The following C4orf51 variants were observed in gnomAD, a reference collection of about 807,000 sequenced individuals.
C4orf51 encodes uncharacterized protein C4orf51.
Under a neutral mutation model 25.2 loss-of-function variants are expected in C4orf51, and 25 were observed. The observed-to-expected ratio is 0.99, with a 90% CI of 0.72 to 1.39. C4orf51 has a LOEUF of 1.39. C4orf51 is among the 40% of genes most tolerant of loss of function. The pLI, the probability that C4orf51 is intolerant of heterozygous loss-of-function variation, is 0.00. For synonymous variants in C4orf51, 100 were observed against 84.5 expected, an observed-to-expected ratio of 1.18 and a Z score of -1.01; for missense variants, 252 against 239.6, an observed-to-expected ratio of 1.05 and a Z score of -0.34.
At position 145,732,637 on chromosome 4, in the gene C4orf51, C is replaced by G. The variant is rs901246758; in HGVS notation, c.*77C>G. 4.1e-5 allele frequency: 38 copies of G among 936,654 alleles called. No individual in the cohort carries two copies. Among genetic ancestry groups the G allele is most frequent in the Non-Finnish European group, 6.2e-5 (38 of 611,902 alleles). 58.0% of individuals were successfully genotyped at this position (936,654 alleles called of 1,614,324 possible). A position where few individuals can be genotyped will look rare whatever the true frequency, so the allele number is the denominator to read the frequency against. ...ACTTTGAGGTATGGGGCCCTCCCAACACCCTCCCCCCACCCGCCCCGCCCA... is the reference window on the plus strand; with the variant it reads ...ACTTTGAGGTATGGGGCCCTCCCAAGACCCTCCCCCCACCCGCCCCGCCCA... On this transcript the variant is annotated 3_prime_UTR_variant, in exon 6 of 6. Transcript: ENST00000438731.
At chr4:145,740,969 T>C (rs1393492881) in intron 1 of C4orf51, among the ~76,000 whole-genome samples, 3 of 152,158 alleles carry the variant, frequency 2.0e-5, no homozygotes, top group Admixed American at 1.3e-4. Context: ...TAGCAGTGAG[T>C]GTGGGGAGGA....
chr4:145,696,571 A>G lies in C4orf51; in HGVS notation c.246A>G (p.Thr82=). Residue 82 remains threonine, a synonymous_variant, in exon 2 of 6, where the codon ACA becomes ACG. Transcript: ENST00000438731. ...TTGCTTTCCTTAGGATGTCATTGACAAACAGTTCTGCCTGTCATCTTCTCT... is the reference window on the plus strand; with the variant it reads ...TTGCTTTCCTTAGGATGTCATTGACGAACAGTTCTGCCTGTCATCTTCTCT... ...HEPECKQMSL[T]NSSACHLLCW... 6.2e-7 allele frequency: 1 copy of G among 1,613,676 alleles called. No homozygotes were observed. Among genetic ancestry groups the G allele is most frequent in the Non-Finnish European group, 8.5e-7 (1 of 1,179,618 alleles).
intron 2 of C4orf51, among the ~76,000 whole-genome samples, chr4:145,715,456 G>A (rs570352845): frequency 4.6e-5 from 7 of 152,252 alleles, no homozygotes; most frequent in East Asian, 1.9e-4. Flanking sequence ...GGGAAGAATC[G>A]TGGGCTGAGG....
chr4:145,778,647 T>C, the C4orf51 span, among the ~76,000 whole-genome samples: 3 of 152,164 alleles, frequency 2.0e-5, no homozygotes, highest in African/African-American at 7.2e-5. Context: ...CTTGTCTTAT[T>C]AATACTTCCT....
intron 1 of C4orf51, among the ~76,000 whole-genome samples, chr4:145,741,874 T>G (rs968937424): frequency 2.6e-5 from 4 of 151,992 alleles, no homozygotes; most frequent in Non-Finnish European, 5.9e-5. Context: ...TTTTTGTTGT[T>G]GTTGTTAGTA....
chr4:145,725,490 T>A (rs1406117783), intron 2 of C4orf51, among the ~76,000 whole-genome samples: 1 of 152,216 alleles, frequency 6.6e-6, no homozygotes, highest in Non-Finnish European at 1.5e-5. Flanking sequence ...ATGTGAATGC[T>A]CATTGCAGCA....
At chr4:145,750,308 G>A (rs1175558021) in intron 1 of C4orf51, among the ~76,000 whole-genome samples, 1 of 150,258 alleles carries the variant, frequency 6.7e-6, no homozygotes, top group Admixed American at 6.6e-5. Context: ...TTGTAGGACA[G>A]TTCCATTGTT....
chr4:145,728,959 T>G (rs1732266596), intron 3 of C4orf51, among the ~76,000 whole-genome samples: 1 of 151,996 alleles, frequency 6.6e-6, no homozygotes, highest in South Asian at 2.1e-4. Flanking sequence ...TTGCCCTGGC[T>G]GGCTTTGAAC....
chr4:145,731,706 C>T (rs775340496), intron 5 of C4orf51, among the ~76,000 whole-genome samples: 2 of 150,532 alleles, frequency 1.3e-5, no homozygotes, highest in Non-Finnish European at 1.5e-5. Context: ...CTCAGCCTCC[C>T]GAGTAACTGG....
In C4orf51 at chr4:145,762,617, C is replaced by G. The variant is rs773593748; in HGVS notation, n.167-8371C>G. ...GCTCCATCACCTTGTCAGGCTGGAG[C>G]TGGACACCCTAGCCTGGGCCTCTCT... On this transcript the variant is annotated intron_variant and non_coding_transcript_variant, in intron 1 of 1. Coordinates refer to the C4orf51 transcript ENST00000510096. This position sits in a 1 kb window ranked among gnomAD's most constrained non-coding sequence, Gnocchi z 4.9. Among the ~76,000 whole-genome samples the G allele has an allele frequency of 1.3e-5, 2 of 152,242 alleles. No homozygotes were observed. The highest frequency in any genetic ancestry group is 6.5e-5 in the Admixed American group (1 of 15,298).
intron 2 of C4orf51, among the ~76,000 whole-genome samples, chr4:145,720,245 GACTC>G (rs1267271991): frequency 6.6e-6 from 1 of 152,096 alleles, no homozygotes; most frequent in Non-Finnish European, 1.5e-5. Context: ...TCCTGGGAGA[GACTC>G]ACAGCTCCCC....
intron 2 of C4orf51, among the ~76,000 whole-genome samples, chr4:145,701,906 G>A (rs963507030): frequency 1.8e-4 from 27 of 151,984 alleles, no homozygotes; most frequent in African/African-American, 5.8e-4. Context: ...GACTACAGCC[G>A]CATCTCATTG....
At chr4:145,712,695 A>G (rs1731197713) in intron 2 of C4orf51, among the ~76,000 whole-genome samples, 1 of 152,266 alleles carries the variant, frequency 6.6e-6, no homozygotes, top group African/African-American at 2.4e-5. Flanking sequence ...GCAACAAGCT[A>G]TCCAGAAGAC....
chr4:145,782,159 A>G, the C4orf51 span, among the ~76,000 whole-genome samples: 3 of 152,172 alleles, frequency 2.0e-5, no homozygotes, highest in East Asian at 5.8e-4. Context: ...TCCCCACCTC[A>G]TGTTTGCATT....
chr4:145,723,401 T>C (rs971411793), intron 2 of C4orf51, among the ~76,000 whole-genome samples: 2 of 152,028 alleles, frequency 1.3e-5, no homozygotes, highest in African/African-American at 2.4e-5. Flanking sequence ...GAGATGAAAG[T>C]ATCCCCAACA....
At chr4:145,705,642 A>G (rs1204422585) in intron 2 of C4orf51, among the ~76,000 whole-genome samples, 6 of 152,092 alleles carry the variant, frequency 3.9e-5, no homozygotes, top group Non-Finnish European at 8.8e-5. Context: ...GTATCCAACC[A>G]TGTCCAAGAG....
At chr4:145,680,679 T>C (rs1728783335) in intron 1 of C4orf51, among the ~76,000 whole-genome samples, 1 of 152,208 alleles carries the variant, frequency 6.6e-6, no homozygotes, top group South Asian at 2.1e-4. Context: ...GATATGGATA[T>C]GAATATTTGA....
chr4:145,695,356 G>T (rs6857649), intron 1 of C4orf51, among the ~76,000 whole-genome samples: 3 of 151,492 alleles, frequency 2.0e-5, no homozygotes, highest in African/African-American at 7.3e-5. Context: ...AGCTTTTTTT[G>T]ATATGCTTTT....
chr4:145,689,979 C>T (rs767814515), intron 1 of C4orf51, among the ~76,000 whole-genome samples: 24 of 146,376 alleles, frequency 1.6e-4, no homozygotes, highest in Non-Finnish European at 2.9e-4. Context: ...CCTAGGTGGG[C>T]GGATTACCTG....
Sources: gnomAD v4.1 joint callset for allele counts (sites outside exome capture counted in the v4.1 genomes callset) on GRCh38, gnomAD v4.1.1 for gene constraint, Gnocchi (gnomAD v3.1) non-coding constraint, MANE v1.5 for transcripts, NCBI Gene and HGNC (gene_info 2026-07-23, HGNC 2026-07-21) for gene names.